COL24A1: variants seen among roughly 807,000 people sequenced by gnomAD.
The protein encoded by COL24A1 is collagen alpha-1(XXIV) chain.
A neutral mutation model predicts 253.9 loss-of-function variants in COL24A1; 224 were observed. That is an observed-to-expected ratio of 0.88 (90% CI 0.79 to 0.99). The LOEUF (loss-of-function observed/expected upper bound fraction) is 0.99, where lower values mean the gene tolerates loss of function less well. Ranked by LOEUF, COL24A1 falls within the 50% of genes least tolerant of loss-of-function variation. The pLI is 0.00. For missense variants in COL24A1, 2,131 were observed against 2,068.5 expected, an observed-to-expected ratio of 1.03 and a Z score of -0.59; for synonymous variants, 685 against 673.7, an observed-to-expected ratio of 1.02 and a Z score of -0.26.
chr1:86,079,629 A>T (rs924996152), intron 7 of COL24A1, among the ~76,000 whole-genome samples: 2 of 152,180 alleles, frequency 1.3e-5, no homozygotes, highest in Admixed American at 6.5e-5. Context: ...AAAATGGGCG[A>T]AAGATTTGAA....
At chr1:86,127,171 T>A (rs935447720) in intron 2 of COL24A1, among the ~76,000 whole-genome samples, 1 of 152,128 alleles carries the variant, frequency 6.6e-6, no homozygotes, top group Non-Finnish European at 1.5e-5. Flanking sequence ...GGTTTTTCTG[T>A]CCCTTCCAAG....
intron 43 of COL24A1, among the ~76,000 whole-genome samples, chr1:85,824,277 C>A (rs906468244): frequency 6.6e-6 from 1 of 152,128 alleles, no homozygotes; most frequent in Non-Finnish European, 1.5e-5. Flanking sequence ...GAGTGTGGCC[C>A]TAGAGCCTCT....
At chr1:86,084,209 T>C (rs1375070540) in intron 7 of COL24A1, among the ~76,000 whole-genome samples, 2 of 152,168 alleles carry the variant, frequency 1.3e-5, no homozygotes, top group Non-Finnish European at 2.9e-5. Context: ...GAGAACAAGA[T>C]GAAAATCAAC....
intron 58 of COL24A1, chr1:85,736,565 A>G (rs1357107164): frequency 2.2e-6 from 1 of 446,606 alleles, no homozygotes; most frequent in South Asian, 1.6e-5. Context: ...AATGCCTATT[A>G]AGATAAATTG....
chr1:85,890,412 CT>C (rs35384514), intron 31 of COL24A1, among the ~76,000 whole-genome samples: 31 of 147,290 alleles, frequency 2.1e-4, no homozygotes, highest in Admixed American at 3.4e-4. Flanking sequence ...CACAAATTTT[CT>C]TTTTTTTTTT....
intron 53 of COL24A1, among the ~76,000 whole-genome samples, chr1:85,770,360 G>T (rs559879858): frequency 9.9e-5 from 15 of 150,946 alleles, no homozygotes; most frequent in African/African-American, 3.6e-4. Context: ...TTCTAATCAA[G>T]ACTTTACTGC....
intron 47 of COL24A1, among the ~76,000 whole-genome samples, chr1:85,814,455 A>C (rs1672867280): frequency 6.6e-6 from 1 of 152,222 alleles, no homozygotes; most frequent in African/African-American, 2.4e-5. Flanking sequence ...AATATTGAAG[A>C]AAAATGTAGA....
chr1:85,896,282 GT>G, intron 29 of COL24A1, 73 bp downstream of exon 29: 1 of 1,396,086 alleles, frequency 7.2e-7, no homozygotes, highest in Non-Finnish European at 1.0e-6. Flanking sequence ...GAAATATATT[GT>G]TTTTTAGACT....
chr1:86,116,264 T>C (rs554618478), intron 3 of COL24A1, among the ~76,000 whole-genome samples: 2 of 152,234 alleles, frequency 1.3e-5, no homozygotes, highest in Non-Finnish European at 2.9e-5. Context: ...TCATTCATTA[T>C]TGCAGTAAAA....
chr1:85,925,652 C>T (rs1231074575), intron 24 of COL24A1, among the ~76,000 whole-genome samples: 8 of 152,274 alleles, frequency 5.3e-5, no homozygotes, highest in Non-Finnish European at 8.8e-5. Context: ...CCCTTCCTTA[C>T]ACCTTATACA....
At chr1:86,061,889 C>T (rs556512212) in intron 8 of COL24A1, among the ~76,000 whole-genome samples, 1 of 152,110 alleles carries the variant, frequency 6.6e-6, no homozygotes, top group East Asian at 1.9e-4. Context: ...AATTAGGAAG[C>T]CTGCCCTAAT....
intron 52 of COL24A1, among the ~76,000 whole-genome samples, chr1:85,776,772 C>T (rs1193437821): frequency 6.6e-6 from 1 of 151,968 alleles, no homozygotes; most frequent in Non-Finnish European, 1.5e-5. Context: ...ATTACATACA[C>T]ACCTGCAAAA....
At chr1:85,985,192 G>C (rs1377498832) in intron 20 of COL24A1, among the ~76,000 whole-genome samples, 1 of 151,692 alleles carries the variant, frequency 6.6e-6, no homozygotes, top group Admixed American at 6.6e-5. Context: ...GGGAGGAACA[G>C]AAAAAGCTTC....
At chr1:85,984,498 G>T (rs1395486093) in intron 20 of COL24A1, among the ~76,000 whole-genome samples, 1 of 151,560 alleles carries the variant, frequency 6.6e-6, no homozygotes, top group Non-Finnish European at 1.5e-5. Context: ...TTATTACTTG[G>T]TCTAACACAG....
intron 20 of COL24A1, among the ~76,000 whole-genome samples, chr1:85,972,601 C>A (rs759540764): frequency 6.6e-6 from 1 of 151,928 alleles, no homozygotes; most frequent in African/African-American, 2.4e-5. Flanking sequence ...GGCAAAAGCA[C>A]CCTAATTTTC....
chr1:86,021,632 T>C (rs1697548381), intron 18 of COL24A1, among the ~76,000 whole-genome samples: 1 of 151,726 alleles, frequency 6.6e-6, no homozygotes, highest in African/African-American at 2.4e-5. Context: ...ACTCAGCAAA[T>C]GTTAGCTATA....
intron 3 of COL24A1, among the ~76,000 whole-genome samples, chr1:86,116,306 G>T (rs925734294): frequency 6.6e-6 from 1 of 151,860 alleles, no homozygotes; most frequent in African/African-American, 2.4e-5. Flanking sequence ...GACACATCAG[G>T]GTTAAAATAC....
At chr1:86,005,995 T>C (rs1199328537) in intron 19 of COL24A1, among the ~76,000 whole-genome samples, 1 of 152,174 alleles carries the variant, frequency 6.6e-6, no homozygotes, top group Non-Finnish European at 1.5e-5. Context: ...CACCAACTAA[T>C]ACTTAGTTAT....
intron 39 of COL24A1, 147 bp downstream of exon 39, chr1:85,847,518 A>C: frequency 1.8e-6 from 1 of 557,218 alleles, no homozygotes; most frequent in Non-Finnish European, 3.2e-6. Flanking sequence ...AATGCTTACA[A>C]TTCTCCACAT....
Sources: allele counts gnomAD v4.1 joint callset (sites outside exome capture counted in the v4.1 genomes callset), GRCh38; gene constraint gnomAD v4.1.1; transcripts MANE v1.5; gene names NCBI Gene and HGNC (gene_info 2026-07-23, HGNC 2026-07-21).